RFX3: variants seen among roughly 807,000 people sequenced by gnomAD.
The protein encoded by RFX3 is transcription factor RFX3.
Under a neutral mutation model 98.6 loss-of-function variants are expected in RFX3, and 14 were observed. The ratio of observed to expected loss-of-function variants is 0.14; its 90% CI spans 0.09 to 0.22. The LOEUF is 0.22. RFX3 is among the 10% of genes least tolerant of loss of function. RFX3 has a pLI of 1.00. For synonymous variants in RFX3, 383 were observed against 328.4 expected, an observed-to-expected ratio of 1.17 and a Z score of -1.80; for missense variants, 639 against 926.9, an observed-to-expected ratio of 0.69 and a Z score of 4.03.
intron 3 of RFX3, among the ~76,000 whole-genome samples, chr9:3,343,279 A>C (rs1360635070): frequency 6.6e-6 from 1 of 152,212 alleles, no homozygotes; most frequent in African/African-American, 2.4e-5. Context: ...CTGGGTGCTC[A>C]AAAGTTCATG....
At chr9:3,376,202 G>A (rs575109986) in intron 2 of RFX3, among the ~76,000 whole-genome samples, 28 of 152,280 alleles carry the variant, frequency 1.8e-4, no homozygotes, top group African/African-American at 6.3e-4. Flanking sequence ...TGACAAAGAT[G>A]TCAAGCAAGT....
intron 2 of RFX3, among the ~76,000 whole-genome samples, chr9:3,353,008 T>C (rs999095234): frequency 1.3e-5 from 2 of 151,996 alleles, no homozygotes; most frequent in African/African-American, 4.8e-5. Context: ...CATGGAATAC[T>C]ATGCAGCCAT....
chr9:3,360,965 A>G (rs1836351564), intron 2 of RFX3, among the ~76,000 whole-genome samples: 1 of 152,216 alleles, frequency 6.6e-6, no homozygotes, highest in African/African-American at 2.4e-5. Context: ...TATTATGTCA[A>G]GGCCTTCATT....
At chr9:3,451,961 C>G (rs1846679396) in intron 1 of RFX3, among the ~76,000 whole-genome samples, 1 of 151,950 alleles carries the variant, frequency 6.6e-6, no homozygotes, top group Admixed American at 6.6e-5. Flanking sequence ...TCGTTACACT[C>G]TCAAATCCAC....
chr9:3,244,346 C>G (rs1243120376), intron 15 of RFX3, among the ~76,000 whole-genome samples: 2 of 152,136 alleles, frequency 1.3e-5, no homozygotes, highest in Non-Finnish European at 2.9e-5. Flanking sequence ...ATAATAGTAT[C>G]CACTTATAGA....
intron 2 of RFX3, among the ~76,000 whole-genome samples, chr9:3,365,318 A>C (rs13288440): frequency 6.6e-6 from 1 of 151,620 alleles, no homozygotes; most frequent in East Asian, 1.9e-4. Flanking sequence ...AAAAAAAGTA[A>C]CAATATAGTG....
At chr9:3,347,115 G>C (rs931335562) in intron 2 of RFX3, among the ~76,000 whole-genome samples, 1 of 152,140 alleles carries the variant, frequency 6.6e-6, no homozygotes. Flanking sequence ...GAGCTCAGGA[G>C]TTCAAGACCA....
intron 1 of RFX3, chr9:3,490,297 C>T (rs1356694888): frequency 1.0e-6 from 1 of 982,650 alleles, no homozygotes; most frequent in Admixed American, 6.2e-5. Flanking sequence ...CCTTCCAGAG[C>T]CAAACTCAAC....
At chr9:3,247,421 A>T (rs1430767859) in intron 15 of RFX3, 1 of 797,840 alleles carries the variant, frequency 1.3e-6, no homozygotes, top group Non-Finnish European at 1.5e-6. Context: ...CTGAGTAATC[A>T]TTTAACCTTT....
chr9:3,468,455 C>A (rs900453472), intron 1 of RFX3, among the ~76,000 whole-genome samples: 8 of 152,056 alleles, frequency 5.3e-5, no homozygotes, highest in Non-Finnish European at 1.0e-4. Flanking sequence ...ATGTATCTGG[C>A]CCTTTTTGAG....
chr9:3,465,691 AG>A (rs1188097613), intron 1 of RFX3, among the ~76,000 whole-genome samples: 1 of 152,166 alleles, frequency 6.6e-6, no homozygotes, highest in East Asian at 1.9e-4. Flanking sequence ...CCTATTATAC[AG>A]GAGTTTACAG....
intron 13 of RFX3, among the ~76,000 whole-genome samples, chr9:3,261,295 TCCCAGTCTTCTCAATCC>T (rs1822857890): frequency 6.6e-6 from 1 of 152,092 alleles, no homozygotes; most frequent in Non-Finnish European, 1.5e-5. Context: ...ATTTGTTACC[TCCCAGTCTTCTCAATCC>T]CCCAGGCCTA....
chr9:3,392,124 G>A (rs1455672556), intron 2 of RFX3, among the ~76,000 whole-genome samples: 1 of 152,020 alleles, frequency 6.6e-6, no homozygotes, highest in Non-Finnish European at 1.5e-5. Context: ...TTGTCAGTCA[G>A]ATGACCCCAT....
chr9:3,400,249 A>C, intron 1 of RFX3: 1 of 976,828 alleles, frequency 1.0e-6, no homozygotes, highest in Non-Finnish European at 1.2e-6. Flanking sequence ...ATGAGACAGG[A>C]AGAAAAGAAA....
chr9:3,271,977 C>A (rs1265470665), intron 9 of RFX3, among the ~76,000 whole-genome samples: 2 of 152,106 alleles, frequency 1.3e-5, no homozygotes, highest in Admixed American at 1.3e-4. Flanking sequence ...TCGGGGGCCT[C>A]ACCTCCTCTT....
intron 1 of RFX3, among the ~76,000 whole-genome samples, chr9:3,512,660 C>T (rs539553391): frequency 6.6e-5 from 10 of 152,018 alleles, no homozygotes; most frequent in African/African-American, 2.4e-4. Flanking sequence ...GATCCCAGCA[C>T]CTTGTTATAA....
intron 5 of RFX3, 151 bp from the exon 6 acceptor site, chr9:3,293,409 C>T (rs570745428): frequency 2.3e-5 from 13 of 558,264 alleles, no homozygotes; most frequent in African/African-American, 1.7e-4. Context: ...AGGTGGTAAT[C>T]TGCCTTTGAA....
intron 1 of RFX3, among the ~76,000 whole-genome samples, chr9:3,474,239 C>T (rs964466375): frequency 6.6e-6 from 1 of 152,156 alleles, no homozygotes; most frequent in African/African-American, 2.4e-5. Flanking sequence ...AAAAAAGGCC[C>T]TTGGTCCTAG....
chr9:3,361,908 C>T (rs1293702145), intron 2 of RFX3, among the ~76,000 whole-genome samples: 1 of 152,082 alleles, frequency 6.6e-6, no homozygotes, highest in Non-Finnish European at 1.5e-5. Context: ...GATTGTGCCA[C>T]TGCACTCCAG....
Sources: gnomAD v4.1 joint callset for allele counts (sites outside exome capture counted in the v4.1 genomes callset) on GRCh38, gnomAD v4.1.1 for gene constraint, MANE v1.5 for transcripts, NCBI Gene and HGNC (gene_info 2026-07-23, HGNC 2026-07-21) for gene names.